NPEPL1: variants seen among roughly 807,000 people sequenced by gnomAD.
NPEPL1 encodes probable aminopeptidase NPEPL1.
Under a neutral mutation model 52.4 loss-of-function variants are expected in NPEPL1, and 45 were observed. The observed-to-expected ratio is 0.86, with a 90% CI of 0.68 to 1.10. NPEPL1 has a LOEUF of 1.10. NPEPL1 is among the 50% of genes least tolerant of loss of function. NPEPL1 has a pLI of 0.00. For synonymous variants in NPEPL1, 360 were observed against 314.7 expected, an observed-to-expected ratio of 1.14 and a Z score of -1.52; for missense variants, 696 against 710.9, an observed-to-expected ratio of 0.98 and a Z score of 0.24.
rs188320347 is a variant in NPEPL1, at chr20:58,714,365, C to T, written c.1303-195C>T. 216 of 601,942 alleles carry T rather than the reference C, an allele frequency of 3.6e-4. No homozygotes were observed. In the African/African-American group the frequency reaches 3.7e-3, roughly 10 times the overall value. The allele number at this position is 601,942 out of a possible 1,614,324, so 37.3% of individuals were successfully genotyped here. A position where few individuals can be genotyped will look rare whatever the true frequency, so the allele number is the denominator to read the frequency against. The stretch of plus-strand genomic sequence containing the variant: ...CATCAGGCCCTTTGCTGGCTTCCCC[C>T]TTGGCCTATGGTGGGGGCAGACTCC... On this transcript the variant is annotated intron_variant, in intron 10 of 11. Transcript: ENST00000356091.
rs1239358923 is a variant in NPEPL1 at position 58,713,499 on chromosome 20, G to A, written c.1081G>A (p.Gly361Arg). The A allele has an allele frequency of 3.7e-6, 6 of 1,611,522 alleles. No individual in the cohort carries two copies. Among genetic ancestry groups the A allele is most frequent in the Non-Finnish European group, 5.1e-6 (6 of 1,179,124 alleles). Residue 361 changes from glycine (G) to arginine (R), a missense_variant, in exon 9 of 12, where the codon GGG becomes AGG. Transcript: ENST00000356091. The surrounding 1 kb of genome is among the most constrained non-coding windows in gnomAD (Gnocchi z 4.6). ...DGVSYACKDL[G>R]ADIILDMATL... is the part of the protein sequence containing the mutation. ...CGTGTCCTATGCTTGCAAGGACCTG[G>A]GGGCCGACATCATCCTGGACATGGC...
At chr20:58,691,680 CTTTT>C (rs2084346894), upstream of NPEPL1, 2 of 753,992 alleles carry the variant, frequency 2.7e-6, no homozygotes, top group African/African-American at 2.2e-5. Flanking sequence ...GCTTTTTTTT[CTTTT>C]TTTCTTTTCT....
intron 6 of NPEPL1, among the ~76,000 whole-genome samples, chr20:58,702,648 G>A (rs1458460992): frequency 6.6e-6 from 1 of 152,168 alleles, no homozygotes; most frequent in East Asian, 1.9e-4. Flanking sequence ...TTTGACAATG[G>A]TTTCATTTAA....
chr20:58,701,783 G>T (rs1000580547), intron 6 of NPEPL1, among the ~76,000 whole-genome samples: 2 of 152,140 alleles, frequency 1.3e-5, no homozygotes, highest in Non-Finnish European at 2.9e-5. Flanking sequence ...CCCCAAGAGC[G>T]AGGGGAATCT....
In NPEPL1 at chr20:58,701,008, T is replaced by C. The variant is rs1359163951; in HGVS notation, c.680-8T>C. On this transcript the variant is annotated splice_polypyrimidine_tract_variant and splice_region_variant and intron_variant, in intron 5 of 11. Transcript: ENST00000356091. ...AGCCTAACCCAGTTCTCCCCACGCT[T>C]TCCATAGGAATCTATGGGGTTGGCA... 6.4e-7 allele frequency: 1 copy of C among 1,569,016 alleles called. No individual in the cohort carries two copies. The highest frequency in any genetic ancestry group is 1.8e-5 in the Admixed American group (1 of 55,454).
rs563220501 is a variant in NPEPL1 at position 58,695,280 on chromosome 20, GTGTT to G, written c.507+689_507+692del. On this transcript the variant is annotated intron_variant, in intron 3 of 11. Coordinates refer to ENST00000356091, the MANE Select transcript of NPEPL1 (RefSeq NM_024663.4). ...TGAGTGGTGTGTGTGTGTGTTGTGT[GTGTT>G]GCTGTGTGTGTATGAGTGCTAGTGT... 3.6e-3 allele frequency among the ~76,000 whole-genome samples: 537 copies of G among 151,106 alleles called. 1 individual carries two copies. Among genetic ancestry groups the G allele is most frequent in the East Asian group, 0.027 (140 of 5,132 alleles).
chr20:58,701,952 C>T (rs1247577318), intron 6 of NPEPL1, among the ~76,000 whole-genome samples: 1 of 152,186 alleles, frequency 6.6e-6, no homozygotes, highest in Non-Finnish European at 1.5e-5. Context: ...GCCCTGCCCT[C>T]CTCCGCACCA....
At chr20:58,714,458 C>A in intron 10 of NPEPL1, 102 bp from the exon 11 acceptor site, 1 of 849,194 alleles carries the variant, frequency 1.2e-6, no homozygotes, top group Non-Finnish European at 1.8e-6. Context: ...TCCCAGCCAC[C>A]CCGAGCTCCT....
At chr20:58,704,037 T>TA in intron 6 of NPEPL1, 1 of 985,424 alleles carries the variant, frequency 1.0e-6, no homozygotes, top group South Asian at 4.7e-5. Flanking sequence ...TACGTGGATT[T>TA]GGGATCAACC....
At position 58,714,888 on chromosome 20, in the gene NPEPL1, G is replaced by A. The variant is rs2084922912; in HGVS notation, c.1413+218G>A. 1.6e-5 allele frequency: 10 copies of A among 608,864 alleles called. No individual in the cohort carries two copies. In the South Asian group the frequency reaches 2.0e-4, roughly 12 times the overall value. The allele number at this position is 608,864 out of a possible 1,614,324, so 37.7% of individuals were successfully genotyped here. A position where few individuals can be genotyped will look rare whatever the true frequency, so the allele number is the denominator to read the frequency against. ...CCCAGCCAGCCTGTCCTCCATAGGGGATCCTGGGCCCTGTCTCACCCATCC... is the reference window on the plus strand; with the variant it reads ...CCCAGCCAGCCTGTCCTCCATAGGGAATCCTGGGCCCTGTCTCACCCATCC... On this transcript the variant is annotated intron_variant, in intron 11 of 11. Transcript: ENST00000356091.
At chr20:58,702,196 A>C (rs1376964190) in intron 6 of NPEPL1, among the ~76,000 whole-genome samples, 2 of 152,254 alleles carry the variant, frequency 1.3e-5, no homozygotes. Context: ...ATTCTCATCA[A>C]AGCCTGGATT....
At chr20:58,710,616 C>A (rs2084817201) in intron 7 of NPEPL1, among the ~76,000 whole-genome samples, 1 of 152,236 alleles carries the variant, frequency 6.6e-6, no homozygotes, top group African/African-American at 2.4e-5. Context: ...GAAGCACTCA[C>A]AGTCCAGCCC....
intron 6 of NPEPL1, among the ~76,000 whole-genome samples, chr20:58,702,137 T>C (rs889626914): frequency 1.3e-5 from 2 of 152,240 alleles, no homozygotes; most frequent in African/African-American, 4.8e-5. Context: ...CACGGAGGCC[T>C]GGCATTTTTA....
chr20:58,713,716 C>A lies in NPEPL1; in HGVS notation c.1125+173C>A. 1.8e-6 allele frequency: 2 copies of A among 1,109,424 alleles called. No individual in the cohort carries two copies. Among genetic ancestry groups the A allele is most frequent in the Non-Finnish European group, 2.5e-6 (2 of 813,566 alleles). 68.7% of individuals were successfully genotyped at this position (1,109,424 alleles called of 1,614,324 possible). ...AAGCTTGGTGTGGGCAGTACCGAGG[C>A]CCAGGCTGGATGCAGAGCCGGGAAC... On this transcript the variant is annotated intron_variant, in intron 9 of 11. Transcript: ENST00000356091. This position sits in a 1 kb window ranked among gnomAD's most constrained non-coding sequence, Gnocchi z 4.6.
chr20:58,707,248 C>A (rs1411677453), intron 7 of NPEPL1, 48 bp downstream of exon 7: 1 of 1,477,540 alleles, frequency 6.8e-7, no homozygotes, highest in East Asian at 2.5e-5. Flanking sequence ...GGGTGTGCCT[C>A]GTGGGTGCTC....
intron 7 of NPEPL1, 140 bp downstream of exon 7, chr20:58,707,340 C>G: frequency 2.4e-6 from 2 of 819,320 alleles, no homozygotes; most frequent in South Asian, 3.6e-5. Flanking sequence ...CCCCCTCTGC[C>G]CCCAGGCTCT....
chr20:58,705,545 G>A (rs1338008315), intron 6 of NPEPL1: 3 of 456,194 alleles, frequency 6.6e-6, no homozygotes, highest in Non-Finnish European at 1.3e-5. Context: ...TTGGGACTGT[G>A]GCCTGATACT....
intron 5 of NPEPL1, among the ~76,000 whole-genome samples, chr20:58,699,598 T>G (rs1214837144): frequency 6.6e-6 from 1 of 152,250 alleles, no homozygotes; most frequent in East Asian, 1.9e-4. Context: ...GGCCTTTCTG[T>G]TCCTTGAATA....
Position 58,714,046 on chromosome 20 carries a change from T to A in NPEPL1, c.1255T>A (p.Phe419Ile). 2.6e-6 allele frequency: 4 copies of A among 1,543,910 alleles called. No individual in the cohort carries two copies. Among genetic ancestry groups the A allele is most frequent in the Non-Finnish European group, 3.5e-6 (4 of 1,145,856 alleles). Residue 419 changes from phenylalanine to isoleucine, a missense_variant, in exon 10 of 12, where the codon TTC becomes ATC. Phe to Ile is a conservative substitution (Grantham distance 21, BLOSUM62 0). Transcript: ENST00000356091. ...HPLVYCPELH[F>I]SEFTSAVADM... ...GCTGGTCTACTGCCCCGAGCTGCAC[T>A]TCAGCGAGTTCACCTCAGCTGTGGC... is the stretch of plus-strand genomic sequence containing the variant.
Sources: allele counts gnomAD v4.1 joint callset (sites outside exome capture counted in the v4.1 genomes callset), GRCh38; gene constraint gnomAD v4.1.1; non-coding constraint Gnocchi (gnomAD v3.1); transcripts MANE v1.5; gene names NCBI Gene and HGNC (gene_info 2026-07-23, HGNC 2026-07-21).